The following TNFSF4 variants were observed in gnomAD, a reference collection of about 807,000 sequenced individuals.
TNFSF4 encodes the protein TNF superfamily member 4.
A neutral mutation model predicts 7.3 loss-of-function variants in TNFSF4; 4 were observed. The ratio of observed to expected loss-of-function variants is 0.55; its 90% CI spans 0.27 to 1.25. TNFSF4 has a LOEUF of 1.25. Ranked by LOEUF, TNFSF4 falls within the 50% of genes most tolerant of loss-of-function variation. The pLI is 0.12. For missense variants in TNFSF4, 181 were observed against 208.8 expected (o/e 0.87, Z 0.82); for synonymous variants, 76 against 83.7 (o/e 0.91, Z 0.50).
chr1:173,342,576 G>A, the TNFSF4 span, among the ~76,000 whole-genome samples: 8 of 151,506 alleles, frequency 5.3e-5, no homozygotes, highest in South Asian at 1.7e-3. Context: ...ACTTTATTCT[G>A]TTCAACACCT....
chr1:173,240,505 A>C, the TNFSF4 span, among the ~76,000 whole-genome samples: 1 of 152,266 alleles, frequency 6.6e-6, no homozygotes, highest in East Asian at 1.9e-4. Context: ...AGGTCTATCC[A>C]TGTTGCTAAA....
At chr1:173,210,070 G>A (rs1650323212), upstream of TNFSF4, among the ~76,000 whole-genome samples, 1 of 150,420 alleles carries the variant, frequency 6.6e-6, no homozygotes, top group African/African-American at 2.4e-5. Flanking sequence ...TTTTGTTGTT[G>A]TTTGGATTTT....
the TNFSF4 span, among the ~76,000 whole-genome samples, chr1:173,433,841 T>C: frequency 6.6e-6 from 1 of 152,212 alleles, no homozygotes; most frequent in African/African-American, 2.4e-5. Context: ...TATGGCCTTA[T>C]TTGGAAATAG....
At chr1:173,404,859 T>G in the TNFSF4 span, among the ~76,000 whole-genome samples, 425 of 152,232 alleles carry the variant, frequency 2.8e-3, no homozygotes, top group African/African-American at 8.6e-3. Context: ...CTCAAACTCC[T>G]GACCTCAAGT....
chr1:173,320,476 A>C, the TNFSF4 span, among the ~76,000 whole-genome samples: 5 of 152,334 alleles, frequency 3.3e-5, no homozygotes, highest in African/African-American at 1.2e-4. Context: ...AGTTCTGGCC[A>C]GGGCAATCAG....
At chr1:173,386,433 C>T in the TNFSF4 span, among the ~76,000 whole-genome samples, 1 of 152,228 alleles carries the variant, frequency 6.6e-6, no homozygotes, top group Non-Finnish European at 1.5e-5. Context: ...AGAACAGCTA[C>T]CACAGAAATC....
At chr1:173,429,571 G>T in the TNFSF4 span, among the ~76,000 whole-genome samples, 1 of 152,220 alleles carries the variant, frequency 6.6e-6, no homozygotes, top group Non-Finnish European at 1.5e-5. Context: ...TCAAGAGACA[G>T]ATCCAAGACT....
At chr1:173,331,036 C>G in the TNFSF4 span, among the ~76,000 whole-genome samples, 1 of 152,118 alleles carries the variant, frequency 6.6e-6, no homozygotes, top group Admixed American at 6.5e-5. Flanking sequence ...AGGCGCCCAC[C>G]ACCATGCCAG....
the TNFSF4 span, among the ~76,000 whole-genome samples, chr1:173,323,669 G>A: frequency 6.6e-5 from 10 of 152,160 alleles, no homozygotes; most frequent in Admixed American, 6.5e-4. Context: ...GTCCTTAAAG[G>A]ACCTGATGGA....
At chr1:173,361,254 T>C in the TNFSF4 span, among the ~76,000 whole-genome samples, 2 of 152,180 alleles carry the variant, frequency 1.3e-5, no homozygotes, top group Non-Finnish European at 2.9e-5. Context: ...CAGAGCAGAA[T>C]TGCTCAGGAT....
chr1:173,370,065 G>C, the TNFSF4 span, among the ~76,000 whole-genome samples: 2 of 152,112 alleles, frequency 1.3e-5, no homozygotes, highest in Admixed American at 6.5e-5. Context: ...GCTGTAGGGG[G>C]AGGGGAATTT....
At chr1:173,444,000 C>T in the TNFSF4 span, among the ~76,000 whole-genome samples, 3 of 152,152 alleles carry the variant, frequency 2.0e-5, no homozygotes, top group African/African-American at 4.8e-5. Context: ...ATTTAGTCTA[C>T]AGAACAGGGT....
At chr1:173,309,691 C>T in the TNFSF4 span, among the ~76,000 whole-genome samples, 1 of 151,594 alleles carries the variant, frequency 6.6e-6, no homozygotes, top group Non-Finnish European at 1.5e-5. Flanking sequence ...GTTATGCTAG[C>T]CTTATCAAAT....
At chr1:173,377,535 C>T in the TNFSF4 span, among the ~76,000 whole-genome samples, 2 of 152,234 alleles carry the variant, frequency 1.3e-5, no homozygotes, top group Non-Finnish European at 2.9e-5. Flanking sequence ...TCTATCCTAT[C>T]GATCCTGACC....
At chr1:173,251,294 A>G in the TNFSF4 span, among the ~76,000 whole-genome samples, 301 of 152,358 alleles carry the variant, frequency 2.0e-3, no homozygotes, top group African/African-American at 6.9e-3. Context: ...CTGTACAGGC[A>G]TCTAAATTTT....
At chr1:173,246,970 C>CT in the TNFSF4 span, among the ~76,000 whole-genome samples, 14 of 152,168 alleles carry the variant, frequency 9.2e-5, no homozygotes, top group African/African-American at 3.4e-4. Flanking sequence ...ATTTCTATAC[C>CT]TTTTTTTCCT....
the TNFSF4 span, among the ~76,000 whole-genome samples, chr1:173,260,675 CA>C: frequency 1.3e-5 from 2 of 151,858 alleles, no homozygotes; most frequent in South Asian, 4.1e-4. Context: ...AGCAAAAAAA[CA>C]GGGGTCACAA....
chr1:173,322,816 C>T, the TNFSF4 span, among the ~76,000 whole-genome samples: 5 of 152,192 alleles, frequency 3.3e-5, no homozygotes, highest in Non-Finnish European at 7.3e-5. Flanking sequence ...GATGAAATTG[C>T]AAGGCAGCAG....
At chr1:173,439,250 T>C in the TNFSF4 span, among the ~76,000 whole-genome samples, 1 of 152,256 alleles carries the variant, frequency 6.6e-6, no homozygotes, top group African/African-American at 2.4e-5. Context: ...ATGTCTTACA[T>C]TGTTACAGTC....
Sources: gnomAD v4.1 joint callset for allele counts (sites outside exome capture counted in the v4.1 genomes callset) on GRCh38, gnomAD v4.1.1 for gene constraint, MANE v1.5 for transcripts, NCBI Gene and HGNC (gene_info 2026-07-23, HGNC 2026-07-21) for gene names.